The following SPATS2 variants were observed in gnomAD, a reference collection of about 807,000 sequenced individuals.
The protein encoded by SPATS2 is spermatogenesis associated serine rich 2.
SPATS2 carries 38 observed loss-of-function variants against 63.7 expected under a neutral mutation model. That is an observed-to-expected ratio of 0.60 (90% confidence interval 0.46 to 0.78). The LOEUF (loss-of-function observed/expected upper bound fraction) is 0.78, where lower values mean the gene tolerates loss of function less well. Ranked by LOEUF, SPATS2 falls within the 30% of genes least tolerant of loss-of-function variation. The probability of loss-of-function intolerance (pLI) is 0.00; values close to 1 mark genes in which losing one functional copy is unlikely to be tolerated. For synonymous variants in SPATS2, 207 were observed against 232.9 expected (o/e 0.89, Z 1.01); for missense variants, 588 against 666.2 (o/e 0.88, Z 1.29).
At chr12:49,436,597 G>A (rs1945298432) in intron 2 of SPATS2, among the ~76,000 whole-genome samples, 7 of 135,528 alleles carry the variant, frequency 5.2e-5, no homozygotes, top group East Asian at 2.2e-4. Context: ...GTGGCTGGCC[G>A]GGCCGGGGGC....
rs572583507 is a variant in SPATS2 at position 49,466,682 on chromosome 12, A to G, written c.25+5645A>G. Among the ~76,000 whole-genome samples, 189 of 152,274 alleles carry G rather than the reference A, an allele frequency of 1.2e-3. 1 individual carries two copies. The highest frequency in any genetic ancestry group is 2.3e-3 in the Non-Finnish European group (155 of 68,020). On this transcript the variant is annotated intron_variant, in intron 3 of 13. Transcript: ENST00000552918. ...GTCTGTCTTTATGCTAGTACACTGT[A>G]TTGATTAGTATGGCTTTATAGTAAA... is the stretch of plus-strand genomic sequence containing the variant.
chr12:49,377,347 G>T (rs921756501), intron 2 of SPATS2, among the ~76,000 whole-genome samples: 1 of 152,100 alleles, frequency 6.6e-6, no homozygotes, highest in Non-Finnish European at 1.5e-5. Flanking sequence ...GCGTAACAAC[G>T]ACTACTAAAT....
At chr12:49,474,730 T>C (rs747642243) in intron 3 of SPATS2, among the ~76,000 whole-genome samples, 16 of 152,218 alleles carry the variant, frequency 1.1e-4, no homozygotes, top group Non-Finnish European at 1.9e-4. Flanking sequence ...ACTGGCAGAA[T>C]AGATAAATAA....
chr12:49,495,651 A>ATT (rs1273565970), intron 7 of SPATS2, among the ~76,000 whole-genome samples: 1 of 152,166 alleles, frequency 6.6e-6, no homozygotes, highest in African/African-American at 2.4e-5. Flanking sequence ...CCAAGATCTA[A>ATT]TTTTTCCACT....
At chr12:49,381,182 C>T (rs577125646) in intron 2 of SPATS2, among the ~76,000 whole-genome samples, 5 of 152,038 alleles carry the variant, frequency 3.3e-5, no homozygotes, top group African/African-American at 4.8e-5. Flanking sequence ...GTTGGCCATT[C>T]GTATATCTTC....
intron 2 of SPATS2, among the ~76,000 whole-genome samples, chr12:49,421,124 A>T (rs1944973264): frequency 6.6e-6 from 1 of 152,164 alleles, no homozygotes; most frequent in Non-Finnish European, 1.5e-5. Flanking sequence ...GTATACGTAA[A>T]AATTCTTTGC....
chr12:49,506,506 C>T (rs1242282989), intron 9 of SPATS2, among the ~76,000 whole-genome samples: 2 of 152,130 alleles, frequency 1.3e-5, no homozygotes, highest in Non-Finnish European at 2.9e-5. Flanking sequence ...GGGGGAACCA[C>T]CCCTATGATT....
At chr12:49,492,467 G>A (rs1029972384) in intron 6 of SPATS2, among the ~76,000 whole-genome samples, 8 of 151,890 alleles carry the variant, frequency 5.3e-5, no homozygotes, top group African/African-American at 1.7e-4. Flanking sequence ...AGTGATCTGC[G>A]CACCTTGGCC....
intron 9 of SPATS2, among the ~76,000 whole-genome samples, chr12:49,505,388 C>T (rs1349325580): frequency 6.6e-6 from 1 of 152,116 alleles, no homozygotes; most frequent in Admixed American, 6.5e-5. Context: ...TAACTCTAAC[C>T]ATCTGTGAAA....
chr12:49,410,567 A>T (rs1351322487), intron 2 of SPATS2, among the ~76,000 whole-genome samples: 3 of 152,194 alleles, frequency 2.0e-5, no homozygotes, highest in Non-Finnish European at 4.4e-5. Flanking sequence ...TGGAAACTAA[A>T]GCTTGAGAAA....
chr12:49,459,749 C>G (rs1186945105), intron 2 of SPATS2, among the ~76,000 whole-genome samples: 1 of 126,932 alleles, frequency 7.9e-6, no homozygotes, highest in Non-Finnish European at 1.7e-5. Flanking sequence ...GTCCCCCCCC[C>G]CCCCCATATT....
intron 1 of SPATS2, among the ~76,000 whole-genome samples, chr12:49,369,670 G>A (rs1943965354): frequency 6.6e-6 from 1 of 152,150 alleles, no homozygotes; most frequent in Non-Finnish European, 1.5e-5. Context: ...GTTCATTGAA[G>A]GTTTACTGCT....
chr12:49,478,660 T>C (rs7294973), intron 3 of SPATS2, among the ~76,000 whole-genome samples: 28,440 of 152,154 alleles, frequency 0.19, 3,662 homozygotes, highest in African/African-American at 0.37. Context: ...AGAGAAAATA[T>C]GTTAAGTAAT....
intron 2 of SPATS2, among the ~76,000 whole-genome samples, chr12:49,441,271 T>G (rs1945413611): frequency 6.6e-6 from 1 of 152,150 alleles, no homozygotes; most frequent in Non-Finnish European, 1.5e-5. Flanking sequence ...CTTTCCTAAG[T>G]TAATTGTTCT....
intron 2 of SPATS2, chr12:49,454,234 C>G (rs1945678424): frequency 6.6e-6 from 1 of 152,276 alleles, no homozygotes; most frequent in African/African-American, 2.4e-5. Context: ...GCTGAGGTCA[C>G]TAGTGAACTC....
intron 3 of SPATS2, chr12:49,469,559 A>AG (rs777480261): frequency 5.8e-5 from 25 of 432,078 alleles, no homozygotes; most frequent in South Asian, 8.5e-5. Context: ...AAAAAAAAAA[A>AG]AAAAAGAAAA....
chr12:49,515,191 G>A (rs1946818014), intron 10 of SPATS2, among the ~76,000 whole-genome samples: 1 of 152,098 alleles, frequency 6.6e-6, no homozygotes, highest in Non-Finnish European at 1.5e-5. Context: ...TGATTTGTGG[G>A]GTTTTGTACA....
chr12:49,393,943 T>C (rs78245257), intron 2 of SPATS2, among the ~76,000 whole-genome samples: 6,878 of 152,244 alleles, frequency 0.045, 350 homozygotes, highest in African/African-American at 0.12. Context: ...CAAGTGATTT[T>C]ACTGCCTCAG....
intron 9 of SPATS2, among the ~76,000 whole-genome samples, chr12:49,512,065 A>G (rs780390855): frequency 2.6e-5 from 4 of 152,222 alleles, no homozygotes; most frequent in African/African-American, 4.8e-5. Context: ...CTATACAACT[A>G]TAATGCCATT....
Sources: allele counts gnomAD v4.1 joint callset (sites outside exome capture counted in the v4.1 genomes callset), GRCh38; gene constraint gnomAD v4.1.1; transcripts MANE v1.5; gene names NCBI Gene and HGNC (gene_info 2026-07-23, HGNC 2026-07-21).